SLC24A2: variants seen among roughly 807,000 people sequenced by gnomAD.
SLC24A2 encodes sodium/potassium/calcium exchanger 2.
SLC24A2 carries 36 observed loss-of-function variants against 62.0 expected under a neutral mutation model. That is an observed-to-expected ratio of 0.58 (90% CI 0.44 to 0.77). The LOEUF (loss-of-function observed/expected upper bound fraction) is 0.77, where lower values mean the gene tolerates loss of function less well. Ranked by LOEUF, SLC24A2 falls within the 30% of genes least tolerant of loss-of-function variation. The pLI is 0.00. For missense variants in SLC24A2, 846 were observed against 817.9 expected (o/e 1.03, Z -0.42); for synonymous variants, 358 against 294.0 (o/e 1.22, Z -2.23).
At chr9:19,801,836 G>C in the SLC24A2 span, among the ~76,000 whole-genome samples, 1 of 150,896 alleles carries the variant, frequency 6.6e-6, no homozygotes, top group African/African-American at 2.4e-5. Flanking sequence ...AATAATCACT[G>C]TTTTTTTTTC....
Position 19,516,111 on chromosome 9 carries a change from A to AG in SLC24A2, c.*41dup. ...AAGGAGCCCAGAGCCCAGAGTGTGG[A>AG]GGGACCATTCATGCTGCTGGTGCAA... On this transcript the variant is annotated 3_prime_UTR_variant, in exon 11 of 11. Coordinates refer to ENST00000341998, the MANE Select transcript of SLC24A2 (RefSeq NM_020344.4). 1 of 1,613,028 alleles carries AG rather than the reference A, an allele frequency of 6.2e-7. No individual in the cohort carries two copies. Among genetic ancestry groups the AG allele is most frequent in the East Asian group, 2.2e-5 (1 of 44,868 alleles).
chr9:20,222,996 A>G, the SLC24A2 span, among the ~76,000 whole-genome samples: 1 of 152,094 alleles, frequency 6.6e-6, no homozygotes, highest in African/African-American at 2.4e-5. Flanking sequence ...TGTAGATGAT[A>G]TGATTATCTA....
intron 2 of SLC24A2, among the ~76,000 whole-genome samples, chr9:19,717,734 A>G (rs1820899686): frequency 6.6e-6 from 1 of 152,082 alleles, no homozygotes; most frequent in Non-Finnish European, 1.5e-5. Flanking sequence ...TTATTTTCTT[A>G]GTTGTTTTGT....
At chr9:19,908,712 C>T in the SLC24A2 span, among the ~76,000 whole-genome samples, 1 of 152,110 alleles carries the variant, frequency 6.6e-6, no homozygotes, top group East Asian at 1.9e-4. Context: ...ATTTATGCAG[C>T]CAAAAAACAC....
the SLC24A2 span, among the ~76,000 whole-genome samples, chr9:20,059,685 CT>C: frequency 6.6e-6 from 1 of 151,888 alleles, no homozygotes; most frequent in African/African-American, 2.4e-5. Flanking sequence ...CTGTAAATGC[CT>C]ATATTAAAAA....
chr9:19,574,850 G>C (rs1448805015), intron 6 of SLC24A2, among the ~76,000 whole-genome samples: 3 of 152,190 alleles, frequency 2.0e-5, no homozygotes. Context: ...TCAAATCATG[G>C]ATTTTGGGAT....
chr9:20,016,743 A>C, the SLC24A2 span, among the ~76,000 whole-genome samples: 2 of 152,184 alleles, frequency 1.3e-5, no homozygotes, highest in Non-Finnish European at 2.9e-5. Flanking sequence ...ACACACAAAC[A>C]CATACACACA....
chr9:19,964,015 T>C, the SLC24A2 span, among the ~76,000 whole-genome samples: 1 of 151,874 alleles, frequency 6.6e-6, no homozygotes, highest in Non-Finnish European at 1.5e-5. Context: ...GTGGCACATA[T>C]ACACCATGGA....
At chr9:20,178,400 A>G in the SLC24A2 span, among the ~76,000 whole-genome samples, 15 of 152,258 alleles carry the variant, frequency 9.9e-5, no homozygotes, top group African/African-American at 3.6e-4. Flanking sequence ...AAGGCAGCTG[A>G]AGGGTACACT....
chr9:20,127,550 G>C, the SLC24A2 span, among the ~76,000 whole-genome samples: 5 of 152,024 alleles, frequency 3.3e-5, no homozygotes, highest in Admixed American at 6.6e-5. Context: ...CTCTTTCCAG[G>C]GATGGGACCT....
At chr9:19,860,899 T>C in the SLC24A2 span, among the ~76,000 whole-genome samples, 2 of 152,238 alleles carry the variant, frequency 1.3e-5, no homozygotes, top group East Asian at 3.9e-4. Context: ...CCGTGTCTTG[T>C]GGTTTGAGTG....
the SLC24A2 span, among the ~76,000 whole-genome samples, chr9:20,275,269 G>A: frequency 6.6e-6 from 1 of 152,136 alleles, no homozygotes; most frequent in African/African-American, 2.4e-5. Flanking sequence ...GAAAATCACG[G>A]TACCAATGAA....
At chr9:19,746,597 A>G (rs1171262875) in intron 2 of SLC24A2, among the ~76,000 whole-genome samples, 1 of 152,148 alleles carries the variant, frequency 6.6e-6, no homozygotes, top group Non-Finnish European at 1.5e-5. Flanking sequence ...GGAAGCTTTT[A>G]ATTATTATTA....
chr9:19,626,622 T>C (rs1167348462), intron 2 of SLC24A2, among the ~76,000 whole-genome samples: 1 of 152,126 alleles, frequency 6.6e-6, no homozygotes, highest in African/African-American at 2.4e-5. Flanking sequence ...TTGTGAAAAA[T>C]ATAATCTGAA....
At chr9:19,684,231 G>T (rs1435580732) in intron 2 of SLC24A2, among the ~76,000 whole-genome samples, 1 of 151,976 alleles carries the variant, frequency 6.6e-6, no homozygotes, top group Admixed American at 6.6e-5. Context: ...AGTCCTCCTT[G>T]GACGATGTGG....
chr9:20,245,238 C>T, the SLC24A2 span, among the ~76,000 whole-genome samples: 3 of 152,078 alleles, frequency 2.0e-5, no homozygotes, highest in African/African-American at 4.8e-5. Flanking sequence ...GTGATTAATA[C>T]CAAGTGACAG....
chr9:20,034,612 G>A, the SLC24A2 span, among the ~76,000 whole-genome samples: 7 of 151,862 alleles, frequency 4.6e-5, no homozygotes, highest in South Asian at 1.2e-3. Flanking sequence ...GATTACAGTG[G>A]CCCGCCACTA....
Position 19,718,458 on chromosome 9 carries a change from ATTTTTTTTTTTTTT to A in SLC24A2, c.930+67465_930+67478del, listed in dbSNP as rs58736549. 1.4e-4 allele frequency among the ~76,000 whole-genome samples: 14 copies of A among 99,782 alleles called. No homozygotes were observed. The South Asian group carries it at 1.7e-3, about 12-fold the overall frequency. The allele number at this position is 99,782 out of a possible 152,430, so 65.5% of individuals were successfully genotyped here. On this transcript the variant is annotated intron_variant, in intron 2 of 10. Coordinates refer to ENST00000341998, the MANE Select transcript of SLC24A2 (RefSeq NM_020344.4). ...CAGGTGTGCACCACCATGCCTGGCT[ATTTTTTTTTTTTTT>A]TTTTTTTTTTGTAATTTTTGTAGAA...
chr9:19,523,886 C>G (rs1383611030), intron 9 of SLC24A2, among the ~76,000 whole-genome samples: 1 of 152,134 alleles, frequency 6.6e-6, no homozygotes, highest in Non-Finnish European at 1.5e-5. Context: ...TGGAAAACTT[C>G]ATGAGAATTT....
Sources: gnomAD v4.1 joint callset for allele counts (sites outside exome capture counted in the v4.1 genomes callset) on GRCh38, gnomAD v4.1.1 for gene constraint, MANE v1.5 for transcripts, NCBI Gene and HGNC (gene_info 2026-07-23, HGNC 2026-07-21) for gene names.